ELP3: variants seen among roughly 807,000 people sequenced by gnomAD.
The protein encoded by ELP3 is elongator acetyltransferase complex subunit 3, also known as elongator complex protein 3.
A neutral mutation model predicts 74.9 loss-of-function variants in ELP3; 56 were observed. That is an observed-to-expected ratio of 0.75 (90% CI 0.60 to 0.93). The LOEUF is 0.93. Among genes scored for constraint, ELP3 ranks in the 40% least tolerant of loss-of-function variants. The pLI, the probability that ELP3 is intolerant of heterozygous loss-of-function variation, is 0.00. For missense variants in ELP3, 573 were observed against 686.5 expected, an observed-to-expected ratio of 0.83 and a Z score of 1.85; for synonymous variants, 222 against 239.8, an observed-to-expected ratio of 0.93 and a Z score of 0.68.
At chr8:28,159,541 A>G (rs1012615188) in intron 12 of ELP3, among the ~76,000 whole-genome samples, 4 of 152,198 alleles carry the variant, frequency 2.6e-5, no homozygotes, top group African/African-American at 4.8e-5. Context: ...CTGTGCGTGC[A>G]ATATTGTTAC....
chr8:28,094,897 C>T (rs925811995), intron 1 of ELP3, among the ~76,000 whole-genome samples: 2 of 152,108 alleles, frequency 1.3e-5, no homozygotes, highest in African/African-American at 2.4e-5. Context: ...TATATGTATT[C>T]TTTTTCACTT....
intron 8 of ELP3, among the ~76,000 whole-genome samples, chr8:28,130,216 A>G (rs766293690): frequency 2.6e-5 from 4 of 152,242 alleles, no homozygotes; most frequent in Non-Finnish European, 5.9e-5. Context: ...GGTTAACTGT[A>G]TAAGGAACTT....
intron 2 of ELP3, 122 bp from the exon 3 acceptor site, chr8:28,099,706 T>G: frequency 9.2e-7 from 1 of 1,086,500 alleles, no homozygotes; most frequent in South Asian, 1.4e-5. Context: ...AAAACTATCC[T>G]TGTCACGTGG....
At chr8:28,135,960 CTT>C (rs1174760093) in intron 9 of ELP3, among the ~76,000 whole-genome samples, 3 of 141,030 alleles carry the variant, frequency 2.1e-5, no homozygotes, top group Non-Finnish European at 3.1e-5. Flanking sequence ...TTTCCTGTTC[CTT>C]TTTTTTTTTT....
At chr8:28,149,152 A>G (rs959003076) in intron 10 of ELP3, among the ~76,000 whole-genome samples, 1 of 152,186 alleles carries the variant, frequency 6.6e-6, no homozygotes. Flanking sequence ...CATAATCTAA[A>G]CAGTTCATGG....
intron 7 of ELP3, among the ~76,000 whole-genome samples, chr8:28,119,548 C>T (rs1282747544): frequency 8.0e-6 from 1 of 124,538 alleles, no homozygotes; most frequent in African/African-American, 3.0e-5. Context: ...AATTTACATA[C>T]AGTACAAAAC....
chr8:28,107,111 G>C (rs965297441), intron 4 of ELP3, among the ~76,000 whole-genome samples: 4 of 152,116 alleles, frequency 2.6e-5, no homozygotes, highest in Admixed American at 1.3e-4. Context: ...AGCCGAGCGT[G>C]GTGGCATGCG....
chr8:28,133,754 T>C (rs189825325), intron 9 of ELP3, among the ~76,000 whole-genome samples: 102 of 152,354 alleles, frequency 6.7e-4, no homozygotes, highest in Non-Finnish European at 6.8e-4. Context: ...AGTTTACTTT[T>C]ATTATTTTTT....
rs186380741 is a variant in ELP3, at chr8:28,150,808, T to G, written c.1101-5134T>G. Among the ~76,000 whole-genome samples, 16 of 152,308 alleles carry G rather than the reference T, an allele frequency of 1.1e-4. 1 individual carries two copies. The East Asian group carries it at 3.1e-3, about 29-fold the overall frequency. Reference sequence around the variant, plus strand: ...TCACTTGTTTCAAATATTTCTTATATTATTTTGTTTCTTCTCTTTCTGGTG... The same window carrying G: ...TCACTTGTTTCAAATATTTCTTATAGTATTTTGTTTCTTCTCTTTCTGGTG... On this transcript the variant is annotated intron_variant, in intron 10 of 14. Transcript: ENST00000256398.
chr8:28,166,130 A>G (rs928792608), intron 14 of ELP3, among the ~76,000 whole-genome samples: 5 of 152,172 alleles, frequency 3.3e-5, no homozygotes, highest in South Asian at 2.1e-4. Context: ...GGGCTCACGT[A>G]TGAAATGAAG....
At chr8:28,097,925 G>A (rs542295809) in intron 2 of ELP3, among the ~76,000 whole-genome samples, 111 of 152,304 alleles carry the variant, frequency 7.3e-4, no homozygotes, top group South Asian at 2.1e-3. Flanking sequence ...TAAGTAACTA[G>A]TAATTGGCAG....
At chr8:28,100,489 C>T (rs1811434266) in intron 3 of ELP3, among the ~76,000 whole-genome samples, 1 of 152,148 alleles carries the variant, frequency 6.6e-6, no homozygotes, top group Admixed American at 6.5e-5. Flanking sequence ...GGGGCTAAGG[C>T]ACAGAGGTAG....
intron 12 of ELP3, 61 bp from the exon 13 acceptor site, chr8:28,160,168 A>G (rs905757008): frequency 2.2e-5 from 32 of 1,463,692 alleles, no homozygotes; most frequent in Non-Finnish European, 3.0e-5. Context: ...ACATACAATT[A>G]CAAAAATGAA....
intron 2 of ELP3, among the ~76,000 whole-genome samples, 174 bp downstream of exon 2, chr8:28,097,492 G>A (rs566669395): frequency 9.0e-4 from 137 of 151,674 alleles, no homozygotes; most frequent in African/African-American, 3.2e-3. Context: ...CGCCTCTGGG[G>A]TTAACGCCAT....
At chr8:28,123,387 G>A (rs959708339) in intron 7 of ELP3, among the ~76,000 whole-genome samples, 1 of 152,082 alleles carries the variant, frequency 6.6e-6, no homozygotes, top group Non-Finnish European at 1.5e-5. Flanking sequence ...AACCTACTCT[G>A]TATAATTTTG....
At chr8:28,153,603 A>G (rs1376570466) in intron 10 of ELP3, among the ~76,000 whole-genome samples, 1 of 152,082 alleles carries the variant, frequency 6.6e-6, no homozygotes, top group Non-Finnish European at 1.5e-5. Flanking sequence ...ATGACTGGGG[A>G]GCTAATGGAG....
intron 1 of ELP3, among the ~76,000 whole-genome samples, chr8:28,095,655 G>A (rs1563242954): frequency 6.6e-6 from 1 of 152,192 alleles, no homozygotes; most frequent in Non-Finnish European, 1.5e-5. Flanking sequence ...AGTGAAAAAA[G>A]CATGGAAGTT....
At chr8:28,094,293 A>T (rs1811166127) in intron 1 of ELP3, among the ~76,000 whole-genome samples, 1 of 152,140 alleles carries the variant, frequency 6.6e-6, no homozygotes, top group Non-Finnish European at 1.5e-5. Context: ...CTCCTAACCC[A>T]CCTTCATCAC....
intron 9 of ELP3, 42 bp from the exon 10 acceptor site, chr8:28,137,656 G>T: frequency 6.3e-7 from 1 of 1,587,304 alleles, no homozygotes; most frequent in South Asian, 1.1e-5. Context: ...GGTGATCTCT[G>T]CATAACTAAT....
Sources: gnomAD v4.1 joint callset for allele counts (sites outside exome capture counted in the v4.1 genomes callset) on GRCh38, gnomAD v4.1.1 for gene constraint, MANE v1.5 for transcripts, NCBI Gene and HGNC (gene_info 2026-07-23, HGNC 2026-07-21) for gene names.